Variants in B3GALT1 observed in about 807,000 individuals in gnomAD.
B3GALT1 encodes beta-1,3-galactosyltransferase 1, also known as UDP-Gal:betaGlcNAc beta 1,3-galactosyltransferase, polypeptide 1.
A neutral mutation model predicts 23.2 loss-of-function variants in B3GALT1; 10 were observed. The ratio of observed to expected loss-of-function variants is 0.43; its 90% CI spans 0.27 to 0.73. The LOEUF (loss-of-function observed/expected upper bound fraction) is 0.73. B3GALT1 is among the 30% of genes least tolerant of loss of function. The pLI is 0.21. For missense variants in B3GALT1, 299 were observed against 405.4 expected, an observed-to-expected ratio of 0.74 and a Z score of 2.25; for synonymous variants, 156 against 141.5, an observed-to-expected ratio of 1.10 and a Z score of -0.73.
chr2:167,634,012 A>G (rs1354265614), intron 2 of B3GALT1, among the ~76,000 whole-genome samples: 3 of 152,198 alleles, frequency 2.0e-5, no homozygotes, highest in African/African-American at 7.2e-5. Flanking sequence ...ACCACAGTGC[A>G]ATCAAATTAG....
At chr2:167,459,824 A>G (rs1386047308) in intron 1 of B3GALT1, among the ~76,000 whole-genome samples, 1 of 152,094 alleles carries the variant, frequency 6.6e-6, no homozygotes, top group Admixed American at 6.6e-5. Flanking sequence ...GGAATATCTT[A>G]CTTTCTTCCT....
intron 2 of B3GALT1, among the ~76,000 whole-genome samples, chr2:167,613,359 T>G (rs1685103708): frequency 6.6e-6 from 1 of 151,800 alleles, no homozygotes; most frequent in African/African-American, 2.4e-5. Flanking sequence ...GACATGAAAT[T>G]GTAGTTGAAC....
chr2:167,471,356 C>G (rs1699416164), intron 1 of B3GALT1, among the ~76,000 whole-genome samples: 1 of 152,088 alleles, frequency 6.6e-6, no homozygotes. Context: ...TTTATCCTTT[C>G]AAAGTTAGCT....
chr2:167,571,706 G>T (rs1286714225), intron 2 of B3GALT1, among the ~76,000 whole-genome samples: 1 of 151,876 alleles, frequency 6.6e-6, no homozygotes, highest in Non-Finnish European at 1.5e-5. Context: ...AGCAGTTCTA[G>T]TAAGCCATAA....
rs113728950 is a variant in B3GALT1, at chr2:167,715,233, C to G, written c.-352+68267C>G. The G allele has an allele frequency of 9.6e-4, 1,550 of 1,613,964 alleles. 15 individuals are homozygous for G. In the African/African-American group the frequency reaches 0.018, roughly 19 times the overall value. On this transcript the variant is annotated intron_variant, in intron 3 of 4. Transcript: ENST00000392690. ...GTTGTGTCTTCTTCAAGCACAGCAG[C>G]CTGATCTTTCATCATTGGCAAGTGT...
chr2:167,394,592 T>A (rs1312008806), intron 1 of B3GALT1, among the ~76,000 whole-genome samples: 1 of 152,136 alleles, frequency 6.6e-6, no homozygotes, highest in Non-Finnish European at 1.5e-5. Context: ...AGCAATTTGA[T>A]GTGGGAGCAT....
chr2:167,600,390 C>T (rs1461603431), intron 2 of B3GALT1, among the ~76,000 whole-genome samples: 2 of 152,056 alleles, frequency 1.3e-5, no homozygotes, highest in African/African-American at 2.4e-5. Flanking sequence ...ATTCTCATAC[C>T]ACAGAATTCA....
intron 1 of B3GALT1, among the ~76,000 whole-genome samples, chr2:167,366,960 G>A (rs547096381): frequency 1.4e-3 from 219 of 152,298 alleles, no homozygotes; most frequent in South Asian, 1.9e-3. Context: ...CATAGAAATG[G>A]CTCAGTGCTA....
chr2:167,702,386 A>G (rs1392786071), intron 3 of B3GALT1, among the ~76,000 whole-genome samples: 3 of 152,216 alleles, frequency 2.0e-5, no homozygotes, highest in Non-Finnish European at 2.9e-5. Context: ...TTCCATCTTC[A>G]ATTTCTGGAT....
At chr2:167,559,163 G>A (rs1683915082) in intron 2 of B3GALT1, among the ~76,000 whole-genome samples, 1 of 152,170 alleles carries the variant, frequency 6.6e-6, no homozygotes. Context: ...AAAATCCACT[G>A]TTCTGCAGAC....
chr2:167,806,936 G>C (rs1688768638), intron 3 of B3GALT1, among the ~76,000 whole-genome samples: 1 of 152,090 alleles, frequency 6.6e-6, no homozygotes, highest in South Asian at 2.1e-4. Flanking sequence ...CTGTGAATCA[G>C]TCTGGTCCTG....
chr2:167,800,477 A>G (rs1344463258), intron 3 of B3GALT1, among the ~76,000 whole-genome samples: 1 of 152,198 alleles, frequency 6.6e-6, no homozygotes, highest in African/African-American at 2.4e-5. Flanking sequence ...TTTCTTCCCA[A>G]CAGAGCAAAA....
At chr2:167,775,596 C>G (rs1329250674) in intron 3 of B3GALT1, among the ~76,000 whole-genome samples, 2 of 149,784 alleles carry the variant, frequency 1.3e-5, no homozygotes, top group Non-Finnish European at 3.0e-5. Flanking sequence ...AACACACACA[C>G]ACATAATGAA....
intron 2 of B3GALT1, among the ~76,000 whole-genome samples, chr2:167,498,949 C>G (rs1699812109): frequency 3.3e-5 from 5 of 152,104 alleles, no homozygotes. Context: ...AGGCTGGTAT[C>G]TCCATTTAAA....
chr2:167,658,857 A>G (rs1319429632), intron 3 of B3GALT1, among the ~76,000 whole-genome samples: 1 of 152,070 alleles, frequency 6.6e-6, no homozygotes, highest in Non-Finnish European at 1.5e-5. Context: ...AGTTGCTGTT[A>G]ATCAAGGCCA....
chr2:167,820,700 C>G (rs969898794), intron 4 of B3GALT1, among the ~76,000 whole-genome samples: 3 of 152,224 alleles, frequency 2.0e-5, no homozygotes, highest in African/African-American at 7.2e-5. Context: ...TTTGTTAGTG[C>G]AGCGTAACTG....
chr2:167,852,877 A>C (rs1264629773), intron 4 of B3GALT1, among the ~76,000 whole-genome samples: 2 of 152,186 alleles, frequency 1.3e-5, no homozygotes, highest in African/African-American at 4.8e-5. Flanking sequence ...CTTCCTCAAC[A>C]ATGCTTCTTG....
At chr2:167,570,972 T>C (rs1684284297) in intron 2 of B3GALT1, among the ~76,000 whole-genome samples, 1 of 151,986 alleles carries the variant, frequency 6.6e-6, no homozygotes, top group African/African-American at 2.4e-5. Flanking sequence ...ACTTTTCGAT[T>C]CTCATACATA....
intron 1 of B3GALT1, among the ~76,000 whole-genome samples, chr2:167,419,839 C>T (rs1698521004): frequency 6.6e-6 from 1 of 152,170 alleles, no homozygotes; most frequent in Non-Finnish European, 1.5e-5. Flanking sequence ...CAGTGAGTCT[C>T]ATAATAATAT....
Sources: allele counts gnomAD v4.1 joint callset (sites outside exome capture counted in the v4.1 genomes callset), GRCh38; gene constraint gnomAD v4.1.1; transcripts MANE v1.5; gene names NCBI Gene and HGNC (gene_info 2026-07-23, HGNC 2026-07-21).